Variants in RBFOX1 observed in about 807,000 individuals in gnomAD.
RBFOX1 encodes RNA binding protein fox-1 homolog 1.
Under a neutral mutation model 57.7 loss-of-function variants are expected in RBFOX1, and 8 were observed. The ratio of observed to expected loss-of-function variants is 0.14; its 90% CI spans 0.08 to 0.25. The LOEUF (loss-of-function observed/expected upper bound fraction) is 0.25, where lower values mean the gene tolerates loss of function less well. Among genes scored for constraint, RBFOX1 ranks in the 10% least tolerant of loss-of-function variants. The pLI is 1.00. For synonymous variants in RBFOX1, 326 were observed against 222.4 expected (o/e 1.47, Z -4.15); for missense variants, 611 against 548.5 (o/e 1.11, Z -1.14).
At chr16:7,141,640 G>C (rs978867869) in intron 4 of RBFOX1, among the ~76,000 whole-genome samples, 1 of 152,120 alleles carries the variant, frequency 6.6e-6, no homozygotes, top group Non-Finnish European at 1.5e-5. Context: ...TTTGTAGTTT[G>C]GATGAGTTAA....
intron 2 of RBFOX1, among the ~76,000 whole-genome samples, chr16:6,489,522 G>T (rs62016828): frequency 6.6e-6 from 1 of 152,084 alleles, no homozygotes; most frequent in East Asian, 1.9e-4. Context: ...CAGAGCTGGG[G>T]TTTAAACTCC....
intron 3 of RBFOX1, among the ~76,000 whole-genome samples, chr16:6,836,651 G>T (rs912454395): frequency 6.6e-6 from 1 of 152,178 alleles, no homozygotes; most frequent in Non-Finnish European, 1.5e-5. Flanking sequence ...CCCCGCTTCG[G>T]GGGTGACAGT....
chr16:6,077,901 G>T (rs563241029), intron 1 of RBFOX1, among the ~76,000 whole-genome samples: 1 of 152,048 alleles, frequency 6.6e-6, no homozygotes, highest in East Asian at 1.9e-4. Flanking sequence ...CATCCAAGGA[G>T]TAGACATTGG....
intron 5 of RBFOX1, among the ~76,000 whole-genome samples, chr16:7,534,831 C>T (rs565614157): frequency 1.6e-4 from 25 of 152,264 alleles, no homozygotes; most frequent in African/African-American, 5.1e-4. Flanking sequence ...GCTGCTCAAA[C>T]GTCTTGACTT....
intron 2 of RBFOX1, among the ~76,000 whole-genome samples, chr16:6,554,539 A>T (rs2097057722): frequency 6.6e-6 from 1 of 152,012 alleles, no homozygotes. Flanking sequence ...TGGTTTATGA[A>T]CTCTATCTCA....
chr16:6,027,088 T>C (rs2095211250), intron 1 of RBFOX1, among the ~76,000 whole-genome samples: 1 of 152,218 alleles, frequency 6.6e-6, no homozygotes, highest in Admixed American at 6.5e-5. Flanking sequence ...CTCTTTTCTG[T>C]GAATTTTAGA....
intron 2 of RBFOX1, among the ~76,000 whole-genome samples, chr16:6,452,467 C>T (rs2094654524): frequency 6.6e-6 from 1 of 152,132 alleles, no homozygotes; most frequent in African/African-American, 2.4e-5. Flanking sequence ...TCCATGGCTC[C>T]ATCCTTCCAT....
intron 4 of RBFOX1, among the ~76,000 whole-genome samples, chr16:7,471,264 T>C (rs1201071410): frequency 6.6e-6 from 1 of 152,240 alleles, no homozygotes. Flanking sequence ...GGGGGACATT[T>C]AGCTTTAGGC....
intron 1 of RBFOX1, among the ~76,000 whole-genome samples, chr16:5,261,603 G>A (rs1307660911): frequency 1.4e-5 from 2 of 139,410 alleles, no homozygotes; most frequent in Non-Finnish European, 3.0e-5. Flanking sequence ...AGCCTTGAGT[G>A]CAGTGGTGTG....
intron 1 of RBFOX1, among the ~76,000 whole-genome samples, chr16:6,300,881 A>G (rs2078738664): frequency 6.6e-6 from 1 of 152,084 alleles, no homozygotes; most frequent in African/African-American, 2.4e-5. Flanking sequence ...TATTAATGTG[A>G]GCTTGTTTAG....
chr16:5,860,903 G>C lies in RBFOX1; in HGVS notation c.319-6400G>C, dbSNP rs183852369. 2.0e-4 allele frequency among the ~76,000 whole-genome samples: 30 copies of C among 152,300 alleles called. 1 individual carries two copies. Among genetic ancestry groups the C allele is most frequent in the Admixed American group, 1.6e-3 (25 of 15,298 alleles). ...TTCTGGGCTTATTTGTGCAGGTGGA[G>C]ATAAAAAGGAATGGAGGAGAGAGAA... is the stretch of plus-strand genomic sequence containing the variant. On this transcript the variant is annotated intron_variant, in intron 3 of 19. Coordinates refer to the RBFOX1 transcript ENST00000641259.
At chr16:5,481,746 G>T (rs538300278) in intron 2 of RBFOX1, among the ~76,000 whole-genome samples, 1 of 152,164 alleles carries the variant, frequency 6.6e-6, no homozygotes, top group Non-Finnish European at 1.5e-5. Flanking sequence ...CATTCTGGAG[G>T]CTGCGAGTAT....
intron 1 of RBFOX1, among the ~76,000 whole-genome samples, chr16:6,216,316 TCTACTAGA>T (rs1766087042): frequency 6.6e-6 from 1 of 152,106 alleles, no homozygotes; most frequent in Non-Finnish European, 1.5e-5. Flanking sequence ...ATTTTAACCA[TCTACTAGA>T]CAGAGGTGAT....
chr16:6,676,660 T>G (rs113840295), intron 3 of RBFOX1, among the ~76,000 whole-genome samples: 3,575 of 148,612 alleles, frequency 0.024, 79 homozygotes, highest in African/African-American at 0.047. Flanking sequence ...TTTTTTCTTT[T>G]TGTTTTTCTT....
At chr16:5,789,613 TTGG>T (rs1316901997) in intron 3 of RBFOX1, among the ~76,000 whole-genome samples, 2 of 152,198 alleles carry the variant, frequency 1.3e-5, no homozygotes, top group African/African-American at 4.8e-5. Flanking sequence ...TTGTTCTCTT[TTGG>T]TTAAGCTTTT....
Position 6,645,320 on chromosome 16 carries a change from T to TG in RBFOX1, c.-63-9277dup, listed in dbSNP as rs535958456. The stretch of plus-strand genomic sequence containing the variant: ...GACTAGTCGGCTTGAGCATATCTTT[T>TG]GGGGGGCTGCTGTTGAACCCCGTGC... On this transcript the variant is annotated intron_variant, in intron 2 of 15. Transcript: ENST00000550418. Among the ~76,000 whole-genome samples the TG allele has an allele frequency of 5.9e-5, 9 of 152,218 alleles. No individual in the cohort carries two copies. The South Asian group carries it at 1.9e-3, about 32-fold the overall frequency.
chr16:5,306,289 T>C (rs1235357457), intron 1 of RBFOX1, among the ~76,000 whole-genome samples: 1 of 151,908 alleles, frequency 6.6e-6, no homozygotes, highest in Non-Finnish European at 1.5e-5. Flanking sequence ...ATATTCCAGA[T>C]ACTCCCTTTC....
At chr16:5,655,035 T>C (rs949390352) in intron 3 of RBFOX1, among the ~76,000 whole-genome samples, 33 of 152,220 alleles carry the variant, frequency 2.2e-4, no homozygotes, top group African/African-American at 7.9e-4. Flanking sequence ...TACCCAGGAG[T>C]CCTAGTGAGG....
At chr16:6,320,141 A>C (rs2081594200) in intron 2 of RBFOX1, among the ~76,000 whole-genome samples, 1 of 152,212 alleles carries the variant, frequency 6.6e-6, no homozygotes, top group African/African-American at 2.4e-5. Flanking sequence ...GTGGAGACAG[A>C]AAGAACTAAA....
Sources: allele counts gnomAD v4.1 joint callset (sites outside exome capture counted in the v4.1 genomes callset), GRCh38; gene constraint gnomAD v4.1.1; transcripts MANE v1.5; gene names NCBI Gene and HGNC (gene_info 2026-07-23, HGNC 2026-07-21).